SNX9: variants seen among roughly 807,000 people sequenced by gnomAD.
The protein encoded by SNX9 is sorting nexin 9.
In SNX9, 44 loss-of-function variants were observed where a neutral mutation model predicts 89.4. The ratio of observed to expected loss-of-function variants is 0.49; its 90% CI spans 0.39 to 0.63. The LOEUF (loss-of-function observed/expected upper bound fraction) is 0.63, where lower values mean the gene tolerates loss of function less well. Among genes scored for constraint, SNX9 ranks in the 30% least tolerant of loss-of-function variants. SNX9 has a pLI of 0.00. For synonymous variants in SNX9, 236 were observed against 247.8 expected (o/e 0.95, Z 0.45); for missense variants, 578 against 736.1 (o/e 0.79, Z 2.49).
At position 157,928,652 on chromosome 6, in the gene SNX9, T is replaced by C. The variant is rs1222345392; in HGVS notation, c.1238T>C (p.Val413Ala). Residue 413 changes from valine to alanine, a missense_variant, in exon 12 of 18, where the codon GTG becomes GCG. This residue lies in a region of SNX9 where 348 missense variants were observed against 491.4 expected (regional missense o/e 0.71). Coordinates refer to ENST00000392185, the MANE Select transcript of SNX9 (RefSeq NM_016224.5). ...TTCACCAAGGCCATGGATGACGGCG[T>C]GAAGGAGCTGCTGACGGTGGGGCAG... ...GKFTKAMDDG[V>A]KELLTVGQEH... The C allele has an allele frequency of 2.5e-6, 4 of 1,610,436 alleles. No homozygotes were observed. Among genetic ancestry groups the C allele is most frequent in the African/African-American group, 1.3e-5 (1 of 74,592 alleles).
At chr6:157,845,105 CTTT>C (rs35257389) in intron 1 of SNX9, among the ~76,000 whole-genome samples, 7 of 124,758 alleles carry the variant, frequency 5.6e-5, no homozygotes, top group Non-Finnish European at 5.1e-5. Context: ...TCCCATTTGT[CTTT>C]TTTTTTTTTT....
intron 4 of SNX9, 157 bp downstream of exon 4, chr6:157,875,333 AAG>A: frequency 9.9e-7 from 1 of 1,008,896 alleles, no homozygotes; most frequent in African/African-American, 1.7e-5. Flanking sequence ...GGTACTAACA[AAG>A]AAATCACCTG....
chr6:157,855,900 C>G (rs1782000442), intron 1 of SNX9, among the ~76,000 whole-genome samples: 1 of 152,158 alleles, frequency 6.6e-6, no homozygotes, highest in South Asian at 2.1e-4. Context: ...CCACGCCAAG[C>G]TAATATTTTT....
rs192092100 is a variant in SNX9 at position 157,898,542 on chromosome 6, G to A, written c.472+1544G>A. Among the ~76,000 whole-genome samples, 883 of 152,318 alleles carry A rather than the reference G, an allele frequency of 5.8e-3. 3 individuals are homozygous for A. Among genetic ancestry groups the A allele is most frequent in the Non-Finnish European group, 9.6e-3 (652 of 68,020 alleles). On this transcript the variant is annotated intron_variant, in intron 5 of 17. Transcript: ENST00000392185. Reference sequence around the variant, plus strand: ...CCAGAAACGTGTATGTGGATGGGATGTGGCTCATCCTGCTGGTTTAAGACC... The same window carrying A: ...CCAGAAACGTGTATGTGGATGGGATATGGCTCATCCTGCTGGTTTAAGACC...
At chr6:157,867,119 T>G (rs567513245) in intron 1 of SNX9, among the ~76,000 whole-genome samples, 13 of 152,124 alleles carry the variant, frequency 8.5e-5, no homozygotes, top group Non-Finnish European at 1.5e-4. Context: ...CAGCTAATTT[T>G]TCTTTAATTT....
chr6:157,940,536 G>A (rs1035945416), intron 16 of SNX9, among the ~76,000 whole-genome samples: 1 of 152,164 alleles, frequency 6.6e-6, no homozygotes, highest in African/African-American at 2.4e-5. Flanking sequence ...TCCTGCCTCG[G>A]CCTCCCAAGT....
At chr6:157,834,432 G>A (rs1465982048) in intron 1 of SNX9, among the ~76,000 whole-genome samples, 1 of 149,470 alleles carries the variant, frequency 6.7e-6, no homozygotes, top group East Asian at 2.0e-4. Context: ...CTGCAGCCTT[G>A]AACTCCTGGG....
chr6:157,829,112 C>G (rs1302822213), intron 1 of SNX9: 1 of 142,754 alleles, frequency 7.0e-6, no homozygotes, highest in Non-Finnish European at 1.5e-5. Context: ...TATACAGGTA[C>G]AACACAAAAT....
intron 17 of SNX9, among the ~76,000 whole-genome samples, chr6:157,942,109 T>A (rs1017092100): frequency 1.3e-5 from 2 of 152,288 alleles, no homozygotes; most frequent in Admixed American, 1.3e-4. Context: ...TTCATCACTG[T>A]CTTTGCATAA....
chr6:157,896,193 A>G (rs1782973340), intron 4 of SNX9, among the ~76,000 whole-genome samples: 1 of 152,232 alleles, frequency 6.6e-6, no homozygotes, highest in African/African-American at 2.4e-5. Flanking sequence ...TTTTGACAGT[A>G]GTAGTTCCTT....
intron 1 of SNX9, among the ~76,000 whole-genome samples, chr6:157,847,346 G>GC (rs1389963431): frequency 6.6e-6 from 1 of 151,976 alleles, no homozygotes; most frequent in Non-Finnish European, 1.5e-5. Context: ...CAAGCGATCT[G>GC]CCCACCTCCA....
intron 1 of SNX9, among the ~76,000 whole-genome samples, chr6:157,862,419 A>G (rs560836482): frequency 6.6e-6 from 1 of 152,324 alleles, no homozygotes; most frequent in South Asian, 2.1e-4. Context: ...ACATAGAAAT[A>G]TTACCTACTC....
chr6:157,859,399 CAT>C (rs1782074183), intron 1 of SNX9, among the ~76,000 whole-genome samples: 1 of 152,068 alleles, frequency 6.6e-6, no homozygotes, highest in South Asian at 2.1e-4. Context: ...GTATTCATTC[CAT>C]GTCTGAGTAT....
At position 157,867,556 on chromosome 6, in the gene SNX9, A is replaced by T; in HGVS notation, c.22A>T (p.Met8Leu). ...TCTCCACTCCTGATAGGCTCGGGTT[A>T]TGTATGATTTTGCTGCTGAACCTGG... MATKARVMYDFAAEPGNN... is the reference protein window; with the variant it reads MATKARVLYDFAAEPGNN... The change falls in exon 2 of 18, where the codon ATG becomes TTG. Residue 8 changes from methionine (M) to leucine (L), a missense_variant. Physicochemically the swap from Met to Leu is conservative, Grantham distance 15 (BLOSUM62 2). Around this residue, in one of 2 missense-constraint regions of SNX9, gnomAD observed 230 missense variants for 244.7 expected, o/e 0.94. Coordinates refer to ENST00000392185, the MANE Select transcript of SNX9 (RefSeq NM_016224.5). 1.2e-6 allele frequency: 2 copies of T among 1,612,130 alleles called. No homozygotes were observed. Among genetic ancestry groups the T allele is most frequent in the Non-Finnish European group, 1.7e-6 (2 of 1,178,634 alleles).
In SNX9 at chr6:157,943,981, AAGAAC is replaced by A. The variant is rs1784093251; in HGVS notation, c.*1147_*1151del. The A allele has an allele frequency of 6.6e-6, 1 of 152,314 alleles. No individual in the cohort carries two copies. The highest frequency in any genetic ancestry group is 1.5e-5 in the Non-Finnish European group (1 of 68,160). The allele number at this position is 152,314 out of a possible 1,614,324, so 9.4% of individuals were successfully genotyped here. A position where few individuals can be genotyped will look rare whatever the true frequency, so the allele number is the denominator to read the frequency against. On this transcript the variant is annotated 3_prime_UTR_variant, in exon 18 of 18. Transcript: ENST00000392185. ...CCCCGGCGCTCTGAGGTTGGAGAGA[AAGAAC>A]AGACCAGCGCCCTTCCCGACTACAT...
At chr6:157,873,011 T>C (rs898610805) in intron 2 of SNX9, 91 bp from the exon 3 acceptor site, 4 of 974,498 alleles carry the variant, frequency 4.1e-6, no homozygotes, top group Non-Finnish European at 5.7e-6. Context: ...AATTGCTTTT[T>C]TTATGTATAA....
chr6:157,906,530 G>T (rs1317654907), intron 7 of SNX9, among the ~76,000 whole-genome samples: 2 of 152,102 alleles, frequency 1.3e-5, no homozygotes, highest in African/African-American at 4.8e-5. Flanking sequence ...TTTAACTGAT[G>T]AACTCAATTC....
intron 10 of SNX9, among the ~76,000 whole-genome samples, chr6:157,924,987 A>G (rs1391787265): frequency 6.6e-6 from 1 of 152,230 alleles, no homozygotes; most frequent in Non-Finnish European, 1.5e-5. Context: ...TATCCTAGAG[A>G]GCAGGGAAGA....
chr6:157,916,968 TTA>T (rs138083816), intron 9 of SNX9, among the ~76,000 whole-genome samples: 1,828 of 152,306 alleles, frequency 0.012, 41 homozygotes, highest in African/African-American at 0.042. Flanking sequence ...CTGGAAGAGA[TTA>T]TATAGAATTG....
Sources: allele counts gnomAD v4.1 joint callset (sites outside exome capture counted in the v4.1 genomes callset), GRCh38; gene constraint gnomAD v4.1.1; regional missense constraint gnomAD v4.1.1; transcripts MANE v1.5; gene names NCBI Gene and HGNC (gene_info 2026-07-23, HGNC 2026-07-21).